Variants in SLC35A1 observed in about 807,000 individuals in gnomAD.
SLC35A1 encodes CMP-sialic acid transporter.
Under a neutral mutation model 40.3 loss-of-function variants are expected in SLC35A1, and 21 were observed. That is an observed-to-expected ratio of 0.52 (90% confidence interval 0.37 to 0.75). The LOEUF is 0.75. Among genes scored for constraint, SLC35A1 ranks in the 30% least tolerant of loss-of-function variants. The probability of loss-of-function intolerance (pLI) is 0.00; values close to 1 mark genes in which losing one functional copy is unlikely to be tolerated. For missense variants in SLC35A1, 297 were observed against 382.1 expected (o/e 0.78, Z 1.86); for synonymous variants, 146 against 147.3 (o/e 0.99, Z 0.06).
At chr6:87,483,483 A>AC (rs1268532465) in intron 2 of SLC35A1, among the ~76,000 whole-genome samples, 1 of 101,534 alleles carries the variant, frequency 9.8e-6, no homozygotes, top group Non-Finnish European at 2.0e-5. Context: ...CCCTATTGGG[A>AC]TTTTTCACCT....
intron 2 of SLC35A1, among the ~76,000 whole-genome samples, chr6:87,489,819 G>A (rs993639270): frequency 4.7e-5 from 7 of 149,628 alleles, no homozygotes; most frequent in East Asian, 2.0e-4. Context: ...GTGAGCCACC[G>A]CGCCTGGCCA....
intron 2 of SLC35A1, among the ~76,000 whole-genome samples, chr6:87,487,598 A>G (rs1434978944): frequency 6.6e-6 from 1 of 152,204 alleles, no homozygotes; most frequent in Non-Finnish European, 1.5e-5. Context: ...CTTATCTATC[A>G]CATGTATTTT....
chr6:87,476,296 GA>G (rs1466804222), intron 1 of SLC35A1, among the ~76,000 whole-genome samples: 15 of 152,128 alleles, frequency 9.9e-5, no homozygotes, highest in Admixed American at 9.8e-4. Flanking sequence ...TTCTTATTGT[GA>G]AAAAGTTTTA....
chr6:87,511,218 C>G (rs570398888), intron 7 of SLC35A1, among the ~76,000 whole-genome samples, 181 bp from the exon 8 acceptor site: 1 of 152,152 alleles, frequency 6.6e-6, no homozygotes, highest in African/African-American at 2.4e-5. Flanking sequence ...TGATTTTACC[C>G]GCCCTGCCTC....
chr6:87,477,950 T>A (rs887444254), intron 2 of SLC35A1, among the ~76,000 whole-genome samples: 2 of 152,204 alleles, frequency 1.3e-5, no homozygotes, highest in African/African-American at 2.4e-5. Context: ...GTTTGGCCCT[T>A]ACAGAAAACA....
At chr6:87,495,596 G>A (rs997250005) in intron 2 of SLC35A1, among the ~76,000 whole-genome samples, 3 of 151,734 alleles carry the variant, frequency 2.0e-5, no homozygotes, top group Non-Finnish European at 4.4e-5. Flanking sequence ...CATATGAAGG[G>A]TATTTTTGTC....
intron 2 of SLC35A1, among the ~76,000 whole-genome samples, chr6:87,494,237 A>C (rs567226764): frequency 1.3e-5 from 2 of 152,140 alleles, no homozygotes; most frequent in African/African-American, 4.8e-5. Flanking sequence ...CCAGTCTTCT[A>C]CTCCAACACA....
chr6:87,493,729 CTTTG>C (rs981224861), intron 2 of SLC35A1, among the ~76,000 whole-genome samples: 5 of 152,126 alleles, frequency 3.3e-5, no homozygotes, highest in African/African-American at 9.7e-5. Flanking sequence ...ATGTAGTTCT[CTTTG>C]TTTTAGTTTT....
At chr6:87,484,738 A>G (rs1195121014) in intron 2 of SLC35A1, among the ~76,000 whole-genome samples, 3 of 152,182 alleles carry the variant, frequency 2.0e-5, no homozygotes, top group African/African-American at 4.8e-5. Flanking sequence ...GTAGGTAATC[A>G]GAATGAGTCA....
intron 1 of SLC35A1, among the ~76,000 whole-genome samples, 181 bp from the exon 2 acceptor site, chr6:87,477,181 G>GTGTGTGTGTA (rs1554164696): frequency 6.6e-6 from 1 of 152,016 alleles, no homozygotes; most frequent in African/African-American, 2.4e-5. Flanking sequence ...GTGTGTGTGT[G>GTGTGTGTGTA]TGTGTGTGTG....
chr6:87,489,535 C>CTTTTT (rs36003216), intron 2 of SLC35A1, among the ~76,000 whole-genome samples: 66 of 99,030 alleles, frequency 6.7e-4, no homozygotes, highest in African/African-American at 1.3e-3. Flanking sequence ...CAACTGTGAG[C>CTTTTT]TTTTTTTTTT....
intron 2 of SLC35A1, among the ~76,000 whole-genome samples, chr6:87,484,830 A>C (rs1288901163): frequency 6.6e-6 from 1 of 152,234 alleles, no homozygotes; most frequent in Non-Finnish European, 1.5e-5. Flanking sequence ...ACGTACTGAC[A>C]TGCTGATTCT....
At chr6:87,500,457 C>G (rs1239536798) in intron 2 of SLC35A1, 51 bp from the exon 3 acceptor site, 1 of 1,566,044 alleles carries the variant, frequency 6.4e-7, no homozygotes, top group Non-Finnish European at 8.8e-7. Context: ...AAATAATACT[C>G]TTTAATTTTC....
chr6:87,483,066 TAG>T (rs202058652), intron 2 of SLC35A1, among the ~76,000 whole-genome samples: 1,568 of 152,312 alleles, frequency 0.01, 14 homozygotes, highest in Middle Eastern at 0.017. Flanking sequence ...TGGAGTGTTA[TAG>T]AGTCACGGAG....
chr6:87,497,742 T>A (rs1023837343), intron 2 of SLC35A1, among the ~76,000 whole-genome samples: 5 of 152,234 alleles, frequency 3.3e-5, no homozygotes, highest in African/African-American at 7.2e-5. Flanking sequence ...TTCTTTTTTT[T>A]AAAAGAGATG....
At chr6:87,503,988 A>G (rs1333070986) in intron 4 of SLC35A1, among the ~76,000 whole-genome samples, 2 of 152,214 alleles carry the variant, frequency 1.3e-5, no homozygotes, top group Non-Finnish European at 2.9e-5. Flanking sequence ...CATTATCTAA[A>G]TGCTTTATAT....
At chr6:87,501,371 C>G in intron 4 of SLC35A1, 61 bp downstream of exon 4, 1 of 1,515,854 alleles carries the variant, frequency 6.6e-7, no homozygotes, top group Non-Finnish European at 9.1e-7. Context: ...AAGTCTTATA[C>G]TGTTCAGTTA....
At chr6:87,476,900 G>A (rs1419401540) in intron 1 of SLC35A1, among the ~76,000 whole-genome samples, 1 of 151,852 alleles carries the variant, frequency 6.6e-6, no homozygotes, top group Non-Finnish European at 1.5e-5. Context: ...GGTAGTGCAC[G>A]CCTGTAGTCC....
chr6:87,505,181 T>A (rs1224800265), intron 4 of SLC35A1, among the ~76,000 whole-genome samples: 2 of 152,230 alleles, frequency 1.3e-5, no homozygotes, highest in Non-Finnish European at 2.9e-5. Context: ...TAGACCAAGC[T>A]TGCTCTCTCA....
Sources: gnomAD v4.1 joint callset for allele counts (sites outside exome capture counted in the v4.1 genomes callset) on GRCh38, gnomAD v4.1.1 for gene constraint, MANE v1.5 for transcripts, NCBI Gene and HGNC (gene_info 2026-07-23, HGNC 2026-07-21) for gene names.